Variants in SLC33A1 observed in about 807,000 individuals in gnomAD.
SLC33A1 encodes the protein solute carrier family 33 member 1, also known as acetyl-coenzyme A transporter 1.
SLC33A1 carries 20 observed loss-of-function variants against 50.0 expected under a neutral mutation model. The observed-to-expected ratio is 0.40, with a 90% confidence interval of 0.28 to 0.58. SLC33A1 has a LOEUF of 0.58. Among genes scored for constraint, SLC33A1 ranks in the 20% least tolerant of loss-of-function variants. The pLI, the probability that SLC33A1 is intolerant of heterozygous loss-of-function variation, is 0.44. For synonymous variants in SLC33A1, 265 were observed against 251.8 expected, an observed-to-expected ratio of 1.05 and a Z score of -0.50; for missense variants, 476 against 657.0, an observed-to-expected ratio of 0.72 and a Z score of 3.01.
In SLC33A1 at chr3:155,828,189, G is replaced by T; in HGVS notation, c.*21C>A. The T allele has an allele frequency of 6.4e-7, 1 of 1,554,168 alleles. No homozygotes were observed. Among genetic ancestry groups the T allele is most frequent in the Non-Finnish European group, 8.9e-7 (1 of 1,125,438 alleles). On this transcript the variant is annotated 3_prime_UTR_variant, in exon 6 of 6. Transcript: ENST00000643144. ...AAACTAAACTACAATTACCTTGCTA[G>T]AATGTCCAGTAGCATATATATTAAT...
Position 155,825,071 on chromosome 3 carries a change from T to TA in SLC33A1, c.*3138dup, listed in dbSNP as rs1455802549. On this transcript the variant is annotated 3_prime_UTR_variant, in exon 6 of 6. Coordinates refer to ENST00000643144, the MANE Select transcript of SLC33A1 (RefSeq NM_004733.4). ...GAAAATATAGCGGACCCCACCTCTA[T>TA]AAAAAATTATTATTTTTTATTAGCT... The TA allele has an allele frequency of 5.3e-5, 8 of 152,126 alleles. No individual in the cohort carries two copies. The highest frequency in any genetic ancestry group is 7.4e-5 in the Non-Finnish European group (5 of 68,018). 9.4% of individuals were successfully genotyped at this position (152,126 alleles called of 1,614,324 possible). A position where few individuals can be genotyped will look rare whatever the true frequency, so the allele number is the denominator to read the frequency against.
intron 4 of SLC33A1, among the ~76,000 whole-genome samples, chr3:155,830,403 TA>T (rs1277699049): frequency 6.7e-6 from 1 of 149,836 alleles, no homozygotes. Flanking sequence ...AATAAATAAA[TA>T]AAAAAAAAGA....
intron 1 of SLC33A1, among the ~76,000 whole-genome samples, chr3:155,852,647 A>T (rs1753443452): frequency 6.6e-6 from 1 of 152,222 alleles, no homozygotes; most frequent in Non-Finnish European, 1.5e-5. Flanking sequence ...CTGCAATGTG[A>T]AGCCTGACTC....
chr3:155,852,085 C>T (rs1753420068), intron 1 of SLC33A1, among the ~76,000 whole-genome samples: 1 of 152,140 alleles, frequency 6.6e-6, no homozygotes, highest in Non-Finnish European at 1.5e-5. Flanking sequence ...CACTATATTC[C>T]TGACATTGTT....
Position 155,825,403 on chromosome 3 carries a change from G to A in SLC33A1, c.*2807C>T, listed in dbSNP as rs1468609109. 1 of 151,980 alleles carries A rather than the reference G, an allele frequency of 6.6e-6. No individual in the cohort carries two copies. The highest frequency in any genetic ancestry group is 2.4e-5 in the African/African-American group (1 of 41,358). The allele number at this position is 151,980 out of a possible 1,614,324, so 9.4% of individuals were successfully genotyped here. On this transcript the variant is annotated 3_prime_UTR_variant, in exon 6 of 6. Transcript: ENST00000643144. ...ACTCTTGACCTCAAGTGATCCTCCT[G>A]CCTTGGCCTCCTAAAGTGTTGTGAT...
chr3:155,852,976 TG>T, intron 1 of SLC33A1: 1 of 556,946 alleles, frequency 1.8e-6, no homozygotes, highest in Non-Finnish European at 3.2e-6. Flanking sequence ...CATGAATCCC[TG>T]GACTCGGTTG....
chr3:155,839,775 C>T (rs972063890), intron 2 of SLC33A1, among the ~76,000 whole-genome samples: 3 of 151,876 alleles, frequency 2.0e-5, no homozygotes, highest in African/African-American at 7.3e-5. Flanking sequence ...TAGTGAAACC[C>T]CGTCTCTTCT....
chr3:155,829,413 A>G (rs1017797576), intron 5 of SLC33A1, among the ~76,000 whole-genome samples: 1 of 152,170 alleles, frequency 6.6e-6, no homozygotes, highest in African/African-American at 2.4e-5. Flanking sequence ...ATGCATTTAT[A>G]TAGTGCCTGC....
chr3:155,830,474 G>C (rs1752384709), intron 4 of SLC33A1, among the ~76,000 whole-genome samples: 1 of 151,908 alleles, frequency 6.6e-6, no homozygotes, highest in South Asian at 2.1e-4. Flanking sequence ...TTTATTCTAG[G>C]CTGGAAAATG....
At chr3:155,836,739 AT>A (rs909593939) in intron 2 of SLC33A1, among the ~76,000 whole-genome samples, 41 of 151,972 alleles carry the variant, frequency 2.7e-4, no homozygotes, top group African/African-American at 8.9e-4. Flanking sequence ...TCTACAAAAT[AT>A]TTTTTTTAAT....
intron 1 of SLC33A1, among the ~76,000 whole-genome samples, chr3:155,850,042 T>C (rs2108007120): frequency 6.6e-6 from 1 of 151,818 alleles, no homozygotes; most frequent in Middle Eastern, 3.4e-3. Context: ...GGAGTCTTTC[T>C]CTGTCGCCCA....
At position 155,826,962 on chromosome 3, in the gene SLC33A1, C is replaced by T. The variant is rs1427792880; in HGVS notation, c.*1248G>A. On this transcript the variant is annotated 3_prime_UTR_variant, in exon 6 of 6. Coordinates refer to ENST00000643144, the MANE Select transcript of SLC33A1 (RefSeq NM_004733.4). ...TAAAGAGTCAGAGTAATACATAACA[C>T]AAAACATGCAAAGAACCTTATCACT... The T allele has an allele frequency of 6.6e-6, 1 of 152,066 alleles. No individual in the cohort carries two copies. The highest frequency in any genetic ancestry group is 1.9e-4 in the East Asian group (1 of 5,204). 9.4% of individuals were successfully genotyped at this position (152,066 alleles called of 1,614,324 possible). A position where few individuals can be genotyped will look rare whatever the true frequency, so the allele number is the denominator to read the frequency against.
chr3:155,845,584 AG>A (rs1235238604), intron 1 of SLC33A1, among the ~76,000 whole-genome samples: 2 of 152,222 alleles, frequency 1.3e-5, no homozygotes, highest in African/African-American at 4.8e-5. Flanking sequence ...CCTAATTCAA[AG>A]GGTTTCCATC....
At chr3:155,843,190 G>A (rs1227311335) in intron 1 of SLC33A1, among the ~76,000 whole-genome samples, 1 of 152,052 alleles carries the variant, frequency 6.6e-6, no homozygotes, top group Non-Finnish European at 1.5e-5. Flanking sequence ...TGAGTTGAAT[G>A]AACAAAAGCC....
At chr3:155,848,579 G>A (rs1455788774) in intron 1 of SLC33A1, among the ~76,000 whole-genome samples, 2 of 152,176 alleles carry the variant, frequency 1.3e-5, no homozygotes, top group Non-Finnish European at 2.9e-5. Context: ...CTACTCGGGA[G>A]GCTGAGGCAG....
chr3:155,845,876 T>C (rs1211009252), intron 1 of SLC33A1, among the ~76,000 whole-genome samples: 1 of 152,236 alleles, frequency 6.6e-6, no homozygotes. Flanking sequence ...ACCAAAAATA[T>C]GGAAATATTT....
rs1448694337 is a variant in SLC33A1 at position 155,823,413 on chromosome 3, T to G, written c.*4797A>C. ...AGCCAGCAGCGGTGGCTCACGCCTG[T>G]AATCCCAGCACTTTAGGAGGCCAAG... On this transcript the variant is annotated 3_prime_UTR_variant, in exon 6 of 6. Transcript: ENST00000643144. 6.6e-6 allele frequency: 1 copy of G among 152,178 alleles called. No individual in the cohort carries two copies. Among genetic ancestry groups the G allele is most frequent in the Non-Finnish European group, 1.5e-5 (1 of 68,044 alleles). 9.4% of individuals were successfully genotyped at this position (152,178 alleles called of 1,614,324 possible).
At position 155,828,039 on chromosome 3, in the gene SLC33A1, AAT is replaced by A; in HGVS notation, c.*169_*170del. 7.4e-5 allele frequency: 43 copies of A among 577,362 alleles called. No homozygotes were observed. The highest frequency in any genetic ancestry group is 4.8e-4 in the African/African-American group (25 of 52,486). The allele number at this position is 577,362 out of a possible 1,614,324, so 35.8% of individuals were successfully genotyped here. A position where few individuals can be genotyped will look rare whatever the true frequency, so the allele number is the denominator to read the frequency against. On this transcript the variant is annotated 3_prime_UTR_variant, in exon 6 of 6. Coordinates refer to ENST00000643144, the MANE Select transcript of SLC33A1 (RefSeq NM_004733.4). ...AAATACATTGACAAGGCAAAAAAAA[AAT>A]ATGATCAAATATACAGAAAGGTTTC... is the stretch of plus-strand genomic sequence containing the variant.
At position 155,854,253 on chromosome 3, in the gene SLC33A1, C is replaced by T; in HGVS notation, c.-256G>A. 2.8e-6 allele frequency: 1 copy of T among 359,536 alleles called. No individual in the cohort carries two copies. Among genetic ancestry groups the T allele is most frequent in the Non-Finnish European group, 5.0e-6 (1 of 199,006 alleles). 22.3% of individuals were successfully genotyped at this position (359,536 alleles called of 1,614,324 possible). On this transcript the variant is annotated 5_prime_UTR_variant, in exon 1 of 6. Coordinates refer to ENST00000643144, the MANE Select transcript of SLC33A1 (RefSeq NM_004733.4). ...CGGCGTCAAAGAGCCTGAAGGAGAC[C>T]CCCGGGCAGCAGCGCCGGGCTCGAG...
Sources: allele counts gnomAD v4.1 joint callset (sites outside exome capture counted in the v4.1 genomes callset), GRCh38; gene constraint gnomAD v4.1.1; transcripts MANE v1.5; gene names NCBI Gene and HGNC (gene_info 2026-07-23, HGNC 2026-07-21).